The following TMTC4 variants were observed in gnomAD, a reference collection of about 807,000 sequenced individuals.
TMTC4 encodes the protein transmembrane O-mannosyltransferase targeting cadherins 4.
A neutral mutation model predicts 86.0 loss-of-function variants in TMTC4; 65 were observed. The ratio of observed to expected loss-of-function variants is 0.76; its 90% confidence interval spans 0.62 to 0.93. TMTC4 has a LOEUF of 0.93. Ranked by LOEUF, TMTC4 falls within the 40% of genes least tolerant of loss-of-function variation. TMTC4 has a pLI of 0.00. For synonymous variants in TMTC4, 379 were observed against 382.5 expected (o/e 0.99, Z 0.11); for missense variants, 866 against 948.1 (o/e 0.91, Z 1.14).
intron 3 of TMTC4, chr13:100,666,251 C>G: frequency 6.0e-6 from 2 of 333,018 alleles, no homozygotes; most frequent in Non-Finnish European, 1.2e-5. Context: ...AAGGAAGCAT[C>G]TGGAAAACAG....
In TMTC4 at chr13:100,668,477, G is replaced by A. The variant is rs948219793; in HGVS notation, c.219+102C>T. On this transcript the variant is annotated intron_variant, in intron 3 of 18. Transcript: ENST00000342624. ...GAGCACCATCGGGGCCCAGGCCAAT[G>A]CTTAACCTACATTCCACAGAGAACA... 2.5e-5 allele frequency: 31 copies of A among 1,254,064 alleles called. 1 individual carries two copies. In the South Asian group the frequency reaches 3.5e-4, roughly 14 times the overall value. 77.7% of individuals were successfully genotyped at this position (1,254,064 alleles called of 1,614,324 possible).
chr13:100,644,176 G>A (rs754792992), intron 6 of TMTC4, among the ~76,000 whole-genome samples: 3 of 150,092 alleles, frequency 2.0e-5, no homozygotes, highest in Non-Finnish European at 3.0e-5. Flanking sequence ...CACGATCTCG[G>A]GTCACTGCAA....
chr13:100,607,054 A>G (rs2153020802), intron 17 of TMTC4, among the ~76,000 whole-genome samples: 1 of 152,326 alleles, frequency 6.6e-6, no homozygotes, highest in South Asian at 2.1e-4. Context: ...CCTAAAAGGC[A>G]GGGCAAAGTG....
In TMTC4 at chr13:100,635,325, T is replaced by C. The variant is rs558019210; in HGVS notation, c.1203-130A>G. ...CATCAACTGAGAAAAGATATTGTTG[T>C]CAGCCAAAGGATATCATCAGTAGAG... is the stretch of plus-strand genomic sequence containing the variant. On this transcript the variant is annotated intron_variant, in intron 10 of 18. Transcript: ENST00000342624. The C allele has an allele frequency of 3.8e-4, 404 of 1,055,400 alleles. 3 individuals are homozygous for C. The South Asian group carries it at 6.5e-3, about 17-fold the overall frequency. The allele number at this position is 1,055,400 out of a possible 1,614,324, so 65.4% of individuals were successfully genotyped here. A position where few individuals can be genotyped will look rare whatever the true frequency, so the allele number is the denominator to read the frequency against.
In TMTC4 at chr13:100,663,173, A is replaced by G; in HGVS notation, c.343T>C (p.Tyr115His). The stretch of plus-strand genomic sequence containing the variant: ...GGGTGGAAGCCTCCCGAGAGGTAGT[A>G]GTTAATCCTGCAGAAACACAGGGTG... ...PLTVLTFRIN[Y>H]YLSGGFHPVG... The change falls in exon 5 of 19, where the codon TAC becomes CAC. Residue 115 changes from tyrosine (Y) to histidine (H), a missense_variant. By Grantham distance (83) the Tyr-to-His change is moderately conservative. Transcript: ENST00000342624. 3 of 1,614,216 alleles carry G rather than the reference A, an allele frequency of 1.9e-6. No homozygotes were observed. The highest frequency in any genetic ancestry group is 2.5e-6 in the Non-Finnish European group (3 of 1,180,044).
rs1215764396 is a variant in TMTC4, at chr13:100,642,308, T to C, written c.644A>G (p.Asn215Ser). 6.2e-7 allele frequency: 1 copy of C among 1,614,208 alleles called. No individual in the cohort carries two copies. The highest frequency in any genetic ancestry group is 1.1e-5 in the South Asian group (1 of 91,086). Residue 215 changes from asparagine to serine, a missense_variant, in exon 7 of 19, where the codon AAC becomes AGC. By Grantham distance (46) the Asn-to-Ser change is conservative. Transcript: ENST00000342624. ...LGYCKAFRES[N>S]KEGAHSSTFW... ...GGTGGAAGAATGCGCTCCCTCCTTGTTACCTGCCAATTAAGAGAAATGATC... is the reference window on the plus strand; with the variant it reads ...GGTGGAAGAATGCGCTCCCTCCTTGCTACCTGCCAATTAAGAGAAATGATC...
Position 100,642,224 on chromosome 13 carries a change from C to T in TMTC4, c.728G>A (p.Gly243Glu), listed in dbSNP as rs370160795. Reference protein sequence around the residue: ...GAVAMLCKEQGITVLGLNAVF... With the variant: ...GAVAMLCKEQEITVLGLNAVF... Reference sequence around the variant, plus strand: ...TGCGGCTCTCACCAGCACAGTGATCCCTTGCTCTTTGCACAGCATGGCCAC... The same window carrying T: ...TGCGGCTCTCACCAGCACAGTGATCTCTTGCTCTTTGCACAGCATGGCCAC... The change falls in exon 7 of 19, where the codon GGG becomes GAG. Residue 243 changes from glycine (G) to glutamate (E), a missense_variant. By Grantham distance (98) the Gly-to-Glu change is moderately conservative. Coordinates refer to ENST00000342624, the MANE Select transcript of TMTC4 (RefSeq NM_032813.5). The T allele has an allele frequency of 3.5e-5, 57 of 1,614,068 alleles. No homozygotes were observed. Among genetic ancestry groups the T allele is most frequent in the Non-Finnish European group, 4.7e-5 (55 of 1,180,040 alleles).
At chr13:100,657,842 C>T (rs887799217) in intron 5 of TMTC4, among the ~76,000 whole-genome samples, 3 of 152,152 alleles carry the variant, frequency 2.0e-5, no homozygotes, top group Non-Finnish European at 4.4e-5. Context: ...GGAGCAGATT[C>T]CCCTACATCG....
intron 1 of TMTC4, chr13:100,673,273 G>A (rs1035397340): frequency 7.1e-6 from 7 of 982,312 alleles, no homozygotes; most frequent in East Asian, 1.1e-4. Flanking sequence ...CAGCTGACAC[G>A]GCAGCCTGGA....
intron 1 of TMTC4, among the ~76,000 whole-genome samples, chr13:100,673,019 A>G (rs1594398170): frequency 6.6e-6 from 1 of 152,312 alleles, no homozygotes; most frequent in South Asian, 2.1e-4. Flanking sequence ...CCCAGGAGGA[A>G]TGAAGTCAGT....
intron 3 of TMTC4, among the ~76,000 whole-genome samples, chr13:100,668,116 G>A (rs1304322961): frequency 3.3e-5 from 5 of 152,142 alleles, no homozygotes. Flanking sequence ...CGACAGTCTC[G>A]GAGAAGGACA....
chr13:100,664,190 C>T (rs764314366), intron 4 of TMTC4, 31 bp downstream of exon 4: 2 of 1,562,596 alleles, frequency 1.3e-6, no homozygotes, highest in Non-Finnish European at 1.7e-6. Flanking sequence ...CTGGGAGGGA[C>T]CTTCCCAGGC....
At chr13:100,617,081 C>T (rs1878618167) in intron 15 of TMTC4, among the ~76,000 whole-genome samples, 1 of 151,722 alleles carries the variant, frequency 6.6e-6, no homozygotes, top group Admixed American at 6.6e-5. Flanking sequence ...TCAATTCTTT[C>T]CCAGGGCTGA....
chr13:100,612,340 C>T (rs892137233), intron 17 of TMTC4, 58 bp downstream of exon 17: 27 of 1,299,276 alleles, frequency 2.1e-5, no homozygotes, highest in Middle Eastern at 3.7e-4. Context: ...GTAACACTTA[C>T]GTCTTCTGTC....
intron 6 of TMTC4, among the ~76,000 whole-genome samples, chr13:100,650,994 T>C (rs1469224830): frequency 6.6e-6 from 1 of 152,226 alleles, no homozygotes; most frequent in East Asian, 1.9e-4. Flanking sequence ...ACTACACAGC[T>C]TAAGGGGAGC....
intron 15 of TMTC4, among the ~76,000 whole-genome samples, chr13:100,620,824 T>A (rs1159277358): frequency 6.6e-6 from 1 of 151,754 alleles, no homozygotes; most frequent in East Asian, 1.9e-4. Flanking sequence ...GAGAGTGATT[T>A]CTTAAAACAA....
intron 17 of TMTC4, among the ~76,000 whole-genome samples, chr13:100,607,920 C>T (rs778087760): frequency 4.6e-5 from 7 of 152,088 alleles, no homozygotes; most frequent in East Asian, 3.9e-4. Context: ...GTCAAGACTC[C>T]GGCCATATCA....
chr13:100,640,056 G>T (rs569033287), intron 7 of TMTC4, among the ~76,000 whole-genome samples: 1 of 152,300 alleles, frequency 6.6e-6, no homozygotes, highest in East Asian at 1.9e-4. Flanking sequence ...GGGAGGGGGT[G>T]GGGCCTGGGA....
At position 100,670,511 on chromosome 13, in the gene TMTC4, C is replaced by T; in HGVS notation, c.-149G>A. ...GCTCTCAGCAAGTGCTGGGGGAATA[C>T]TGCAGCTACTTTTCTTTTCCAGTCA... On this transcript the variant is annotated 5_prime_UTR_variant, in exon 2 of 19. Coordinates refer to ENST00000342624, the MANE Select transcript of TMTC4 (RefSeq NM_032813.5). 1.5e-6 allele frequency: 1 copy of T among 656,782 alleles called. No individual in the cohort carries two copies. The allele number at this position is 656,782 out of a possible 1,614,324, so 40.7% of individuals were successfully genotyped here.
Sources: gnomAD v4.1 joint callset for allele counts (sites outside exome capture counted in the v4.1 genomes callset) on GRCh38, gnomAD v4.1.1 for gene constraint, MANE v1.5 for transcripts, NCBI Gene and HGNC (gene_info 2026-07-23, HGNC 2026-07-21) for gene names.